HIVEP3: variants seen among roughly 807,000 people sequenced by gnomAD.
HIVEP3 encodes the protein transcription factor HIVEP3.
HIVEP3 carries 49 observed loss-of-function variants against 152.8 expected under a neutral mutation model. The ratio of observed to expected loss-of-function variants is 0.32; its 90% CI spans 0.26 to 0.41. The LOEUF (loss-of-function observed/expected upper bound fraction) is 0.41, where lower values mean the gene tolerates loss of function less well. Ranked by LOEUF, HIVEP3 falls within the 10% of genes least tolerant of loss-of-function variation. The pLI is 1.00. For missense variants in HIVEP3, 2,790 were observed against 3,103.3 expected (o/e 0.90, Z 2.40); for synonymous variants, 1,269 against 1,289.0 (o/e 0.98, Z 0.33).
intron 7 of HIVEP3, among the ~76,000 whole-genome samples, chr1:41,515,276 C>T (rs2149048074): frequency 1.3e-5 from 2 of 152,348 alleles, no homozygotes; most frequent in Middle Eastern, 3.4e-3. Flanking sequence ...CCAAGTCACT[C>T]AATATGCAGC....
rs144875395 is a variant in HIVEP3 at position 42,008,548 on chromosome 1, G to C, written n.119+27259C>G. Among the ~76,000 whole-genome samples the C allele has an allele frequency of 1.8e-3, 274 of 152,176 alleles. No homozygotes were observed. In the East Asian group the frequency reaches 0.032, roughly 18 times the overall value. On this transcript the variant is annotated intron_variant and non_coding_transcript_variant, in intron 1 of 3. Transcript: ENST00000489103. ...TGGGATTTCTTTTCATTGCCCTACT[G>C]GGTTATCATAGTTTGTTGGATCCAA...
chr1:41,656,256 C>A lies in HIVEP3; in HGVS notation c.-720-27309G>T, dbSNP rs926629801. On this transcript the variant is annotated intron_variant, in intron 2 of 8. Transcript: ENST00000372583. The stretch of plus-strand genomic sequence containing the variant: ...AGCCAGTTCACTTCCTTACTGTATT[C>A]ACTCAGCACTTGCACATCAAAGGCC... Among the ~76,000 whole-genome samples, 13 of 152,346 alleles carry A rather than the reference C, an allele frequency of 8.5e-5. No homozygotes were observed. The East Asian group carries it at 2.3e-3, about 27-fold the overall frequency.
intron 1 of HIVEP3, among the ~76,000 whole-genome samples, chr1:41,821,627 A>C (rs147456221): frequency 2.1e-4 from 32 of 152,214 alleles, no homozygotes; most frequent in Middle Eastern, 3.4e-3. Flanking sequence ...CTCTCTTCAA[A>C]ATACTCACCC....
In HIVEP3 at chr1:41,756,244, A is replaced by G. The variant is rs1300041878; in HGVS notation, c.-800-55249T>C. On this transcript the variant is annotated intron_variant, in intron 1 of 8. Coordinates refer to ENST00000372583, the MANE Select transcript of HIVEP3 (RefSeq NM_024503.5). ...TAATGTATGATTATAGAGATAGAGG[A>G]CAAACCAGTGGTTGCCAACAGTCAG... Among the ~76,000 whole-genome samples, 4 of 152,248 alleles carry G rather than the reference A, an allele frequency of 2.6e-5. No homozygotes were observed. In the East Asian group the frequency reaches 7.7e-4, roughly 29 times the overall value.
At chr1:41,727,433 G>A (rs1458116761) in intron 1 of HIVEP3, among the ~76,000 whole-genome samples, 1 of 152,222 alleles carries the variant, frequency 6.6e-6, no homozygotes, top group Non-Finnish European at 1.5e-5. Flanking sequence ...CAAAGTGGCA[G>A]CAGGCAGTGG....
intron 5 of HIVEP3, among the ~76,000 whole-genome samples, chr1:41,528,917 T>C (rs1569763739): frequency 1.2e-5 from 1 of 80,364 alleles, no homozygotes; most frequent in African/African-American, 4.8e-5. Flanking sequence ...CCTCACACCT[T>C]CGCACACCCC....
intron 5 of HIVEP3, among the ~76,000 whole-genome samples, chr1:41,545,275 T>TAC (rs1643729263): frequency 7.9e-5 from 3 of 37,988 alleles, no homozygotes; most frequent in Admixed American, 4.4e-4. Flanking sequence ...ACCACCACCA[T>TAC]CACTACCACC....
At chr1:41,690,551 C>T (rs1646182064) in intron 2 of HIVEP3, among the ~76,000 whole-genome samples, 1 of 152,228 alleles carries the variant, frequency 6.6e-6, no homozygotes, top group Non-Finnish European at 1.5e-5. Context: ...GGAGCCTGGT[C>T]AGATCCTCCT....
intron 1 of HIVEP3, among the ~76,000 whole-genome samples, chr1:42,032,601 CCCAG>C (rs1645619295): frequency 6.6e-6 from 1 of 152,144 alleles, no homozygotes. Flanking sequence ...CACTGGATTT[CCCAG>C]CTCCAATCAG....
At chr1:41,694,791 A>G (rs1402541925) in intron 2 of HIVEP3, among the ~76,000 whole-genome samples, 1 of 152,170 alleles carries the variant, frequency 6.6e-6, no homozygotes, top group African/African-American at 2.4e-5. Flanking sequence ...TTTTACCAAT[A>G]AGATACAACA....
chr1:41,839,791 A>G (rs1643233640), intron 1 of HIVEP3, among the ~76,000 whole-genome samples: 1 of 152,174 alleles, frequency 6.6e-6, no homozygotes, highest in Non-Finnish European at 1.5e-5. Context: ...GTAACGGTCT[A>G]CCTTGCTTAG....
At chr1:41,535,970 C>T (rs1433425099) in intron 5 of HIVEP3, 1 of 152,022 alleles carries the variant, frequency 6.6e-6, no homozygotes, top group East Asian at 1.9e-4. Context: ...TGTGAACCAT[C>T]AGCACATGAT....
intron 1 of HIVEP3, among the ~76,000 whole-genome samples, chr1:41,798,046 A>T (rs988749678): frequency 6.6e-6 from 1 of 152,138 alleles, no homozygotes; most frequent in African/African-American, 2.4e-5. Context: ...AGGACAAAAA[A>T]CCAAACACTG....
At chr1:41,550,141 C>A (rs61002226) in intron 5 of HIVEP3, among the ~76,000 whole-genome samples, 16,708 of 152,192 alleles carry the variant, frequency 0.11, 1,628 homozygotes, top group East Asian at 0.46. Flanking sequence ...GAATCCTTTC[C>A]CCATTTCTTG....
intron 1 of HIVEP3, among the ~76,000 whole-genome samples, chr1:41,797,312 T>C (rs1650040247): frequency 6.6e-6 from 1 of 152,198 alleles, no homozygotes; most frequent in Non-Finnish European, 1.5e-5. Flanking sequence ...GCTGAAGACC[T>C]TAGGTTGCAG....
intron 2 of HIVEP3, among the ~76,000 whole-genome samples, chr1:41,677,527 CAA>C (rs1438927543): frequency 6.6e-6 from 1 of 152,142 alleles, no homozygotes; most frequent in African/African-American, 2.4e-5. Context: ...AATGATGAGA[CAA>C]AACAAATGAA....
At chr1:41,627,258 C>T (rs752011) in intron 3 of HIVEP3, among the ~76,000 whole-genome samples, 90,158 of 152,036 alleles carry the variant, frequency 0.59, 28,171 homozygotes, top group African/African-American at 0.8. Flanking sequence ...AGCAACCCTG[C>T]GAGGCAGGTA....
intron 3 of HIVEP3, among the ~76,000 whole-genome samples, chr1:41,625,190 A>AAAAAAAC (rs1645100583): frequency 7.8e-6 from 1 of 127,884 alleles, no homozygotes; most frequent in Non-Finnish European, 1.6e-5. Flanking sequence ...AAAAAAAAAA[A>AAAAAAAC]AAGAATTCCT....
At chr1:41,527,980 C>T (rs1356659319) in intron 5 of HIVEP3, among the ~76,000 whole-genome samples, 6 of 146,326 alleles carry the variant, frequency 4.1e-5, no homozygotes, top group Admixed American at 2.0e-4. Context: ...TTCACCTTCA[C>T]ACTCCACACT....
Sources: gnomAD v4.1 joint callset for allele counts (sites outside exome capture counted in the v4.1 genomes callset) on GRCh38, gnomAD v4.1.1 for gene constraint, MANE v1.5 for transcripts, NCBI Gene and HGNC (gene_info 2026-07-23, HGNC 2026-07-21) for gene names.